MAML3: variants seen among roughly 807,000 people sequenced by gnomAD.
The protein encoded by MAML3 is mastermind like transcriptional coactivator 3.
MAML3 carries 27 observed loss-of-function variants against 101.9 expected under a neutral mutation model. The ratio of observed to expected loss-of-function variants is 0.27; its 90% CI spans 0.20 to 0.37. The LOEUF (loss-of-function observed/expected upper bound fraction) is 0.37, where lower values mean the gene tolerates loss of function less well. Ranked by LOEUF, MAML3 falls within the 10% of genes least tolerant of loss-of-function variation. The pLI, the probability that MAML3 is intolerant of heterozygous loss-of-function variation, is 1.00. For missense variants in MAML3, 1,316 were observed against 1,444.9 expected (o/e 0.91, Z 1.45); for synonymous variants, 501 against 555.9 (o/e 0.90, Z 1.39).
intron 1 of MAML3, among the ~76,000 whole-genome samples, chr4:139,994,037 G>A (rs1734754861): frequency 6.6e-6 from 1 of 152,114 alleles, no homozygotes; most frequent in South Asian, 2.1e-4. Context: ...TGTGACATGG[G>A]GGTCTACTTT....
chr4:139,832,094 C>CTTTTTTTTT lies in MAML3; in HGVS notation c.2079+57254_2079+57262dup, dbSNP rs70943444. On this transcript the variant is annotated intron_variant, in intron 2 of 4. Transcript: ENST00000509479. Reference sequence around the variant, plus strand: ...AGGCGTGAGCCATCATGCCCAGCCCCTTTTTTTTTTTTTTTTTTTTTTTTT... The same window carrying CTTTTTTTTT: ...AGGCGTGAGCCATCATGCCCAGCCCCTTTTTTTTTTTTTTTTTTTTTTTTTTTTTTTTTT... Among the ~76,000 whole-genome samples the CTTTTTTTTT allele has an allele frequency of 1.0e-3, 65 of 64,694 alleles. 3 individuals are homozygous for CTTTTTTTTT. Among genetic ancestry groups the CTTTTTTTTT allele is most frequent in the African/African-American group, 2.2e-3 (53 of 23,708 alleles). The allele number at this position is 64,694 out of a possible 152,430, so 42.4% of individuals were successfully genotyped here.
intron 1 of MAML3, among the ~76,000 whole-genome samples, chr4:140,114,480 C>T (rs990737938): frequency 1.3e-5 from 2 of 152,176 alleles, no homozygotes; most frequent in African/African-American, 2.4e-5. Context: ...TTTTAAATTA[C>T]GTAGCTGTAT....
intron 1 of MAML3, among the ~76,000 whole-genome samples, chr4:140,143,222 T>C (rs1212487917): frequency 6.6e-6 from 1 of 152,216 alleles, no homozygotes; most frequent in Admixed American, 6.5e-5. Flanking sequence ...CACCACTGCA[T>C]CCTCAGTGGC....
intron 1 of MAML3, among the ~76,000 whole-genome samples, chr4:139,989,059 G>A (rs998113940): frequency 5.9e-5 from 9 of 152,054 alleles, no homozygotes; most frequent in Admixed American, 2.6e-4. Context: ...ATTGCAAGTC[G>A]CCTCAGTTGG....
At chr4:139,987,728 A>G (rs1169697440) in intron 1 of MAML3, among the ~76,000 whole-genome samples, 1 of 152,068 alleles carries the variant, frequency 6.6e-6, no homozygotes, top group Admixed American at 6.6e-5. Context: ...TTCATGAAAC[A>G]GTGGACTGTG....
Position 139,780,623 on chromosome 4 carries a change from CTTT to C in MAML3, c.2080-49959_2080-49957del, listed in dbSNP as rs35929438. The stretch of plus-strand genomic sequence containing the variant: ...GGTCGCCCATTTCTTTCTTTCTTTT[CTTT>C]TTTTTTTTTTTTTTTGGAGACAGAG... On this transcript the variant is annotated intron_variant, in intron 2 of 4. Coordinates refer to ENST00000509479, the MANE Select transcript of MAML3 (RefSeq NM_018717.5). Among the ~76,000 whole-genome samples, 182 of 136,930 alleles carry C rather than the reference CTTT, an allele frequency of 1.3e-3. 1 individual carries two copies. Among genetic ancestry groups the C allele is most frequent in the African/African-American group, 4.7e-3 (172 of 36,840 alleles). 89.8% of individuals were successfully genotyped at this position (136,930 alleles called of 152,430 possible).
intron 1 of MAML3, among the ~76,000 whole-genome samples, chr4:140,131,920 C>G (rs1310581953): frequency 6.6e-6 from 1 of 152,246 alleles, no homozygotes; most frequent in African/African-American, 2.4e-5. Context: ...ATTGCTGTCT[C>G]CAGTCTCTAT....
At chr4:140,145,553 TTTG>T (rs966991116) in intron 1 of MAML3, among the ~76,000 whole-genome samples, 22 of 126,850 alleles carry the variant, frequency 1.7e-4, no homozygotes, top group South Asian at 5.5e-4. Flanking sequence ...TTGAGATTTT[TTTG>T]TTTTGTTTTG....
At chr4:140,044,137 A>AC (rs1258598028) in intron 1 of MAML3, among the ~76,000 whole-genome samples, 4 of 151,884 alleles carry the variant, frequency 2.6e-5, no homozygotes, top group Non-Finnish European at 5.9e-5. Context: ...GAAAAAAAAA[A>AC]AGATTGGTGT....
chr4:140,039,118 G>A (rs767605236), intron 1 of MAML3, among the ~76,000 whole-genome samples: 21 of 151,844 alleles, frequency 1.4e-4, no homozygotes, highest in East Asian at 3.9e-4. Context: ...GCAAGACTCC[G>A]TCTAAAAAAA....
intron 1 of MAML3, among the ~76,000 whole-genome samples, chr4:139,917,315 T>A (rs912127261): frequency 2.0e-5 from 3 of 152,184 alleles, no homozygotes; most frequent in African/African-American, 4.8e-5. Flanking sequence ...GTATGTATGT[T>A]CTCTGAGTCC....
In MAML3 at chr4:140,154,155, C is replaced by A; in HGVS notation, c.-828G>T. ...TCCTCCTCCTCCTCTCGCTCCTCCA[C>A]CTCCTCCTCCTCCTCCATGCCAGCG... is the stretch of plus-strand genomic sequence containing the variant. On this transcript the variant is annotated 5_prime_UTR_variant, in exon 1 of 5. Coordinates refer to ENST00000509479, the MANE Select transcript of MAML3 (RefSeq NM_018717.5). 6.1e-6 allele frequency: 1 copy of A among 164,238 alleles called. No individual in the cohort carries two copies. Among genetic ancestry groups the A allele is most frequent in the Non-Finnish European group, 1.3e-5 (1 of 75,610 alleles). 10.2% of individuals were successfully genotyped at this position (164,238 alleles called of 1,614,324 possible).
intron 1 of MAML3, among the ~76,000 whole-genome samples, chr4:140,040,531 T>A (rs1270618729): frequency 6.6e-6 from 1 of 152,220 alleles, no homozygotes; most frequent in African/African-American, 2.4e-5. Context: ...CCATCCCTCC[T>A]TCCTCTAGCC....
intron 2 of MAML3, among the ~76,000 whole-genome samples, chr4:139,848,910 G>A (rs1388937320): frequency 1.3e-5 from 2 of 152,164 alleles, no homozygotes; most frequent in African/African-American, 2.4e-5. Context: ...TTTGGGCTCA[G>A]ATTATAAACA....
At chr4:140,104,694 T>C (rs1274043122) in intron 1 of MAML3, among the ~76,000 whole-genome samples, 1 of 151,392 alleles carries the variant, frequency 6.6e-6, no homozygotes, top group African/African-American at 2.4e-5. Flanking sequence ...GGTTTCGCCA[T>C]GTTGCCCAGG....
chr4:140,112,269 T>C (rs1158754874), intron 1 of MAML3, among the ~76,000 whole-genome samples: 3 of 152,198 alleles, frequency 2.0e-5, no homozygotes, highest in African/African-American at 7.2e-5. Context: ...TTTTGATTCT[T>C]TGACAATTCC....
chr4:140,058,480 T>A (rs113690565), intron 1 of MAML3, among the ~76,000 whole-genome samples: 16 of 151,872 alleles, frequency 1.1e-4, no homozygotes, highest in African/African-American at 3.9e-4. Flanking sequence ...TTTTCATTAT[T>A]CCTGCTGAGT....
intron 1 of MAML3, among the ~76,000 whole-genome samples, chr4:140,107,188 T>C (rs561852780): frequency 6.6e-6 from 1 of 152,042 alleles, no homozygotes; most frequent in Non-Finnish European, 1.5e-5. Flanking sequence ...GGTATTTTTA[T>C]AGAAACAAGA....
chr4:139,781,885 T>C (rs1292292505), intron 2 of MAML3, among the ~76,000 whole-genome samples: 1 of 152,196 alleles, frequency 6.6e-6, no homozygotes, highest in Non-Finnish European at 1.5e-5. Flanking sequence ...AAAATCCCCA[T>C]GTGCAACCAC....
Sources: gnomAD v4.1 joint callset for allele counts (sites outside exome capture counted in the v4.1 genomes callset) on GRCh38, gnomAD v4.1.1 for gene constraint, MANE v1.5 for transcripts, NCBI Gene and HGNC (gene_info 2026-07-23, HGNC 2026-07-21) for gene names.